NBEA: variants seen among roughly 807,000 people sequenced by gnomAD.
The protein encoded by NBEA is lysosomal-trafficking regulator 2.
A neutral mutation model predicts 343.4 loss-of-function variants in NBEA; 44 were observed. The ratio of observed to expected loss-of-function variants is 0.13; its 90% CI spans 0.10 to 0.16. The LOEUF (loss-of-function observed/expected upper bound fraction) is 0.16. Among genes scored for constraint, NBEA ranks in the 10% least tolerant of loss-of-function variants. The pLI, the probability that NBEA is intolerant of heterozygous loss-of-function variation, is 1.00. For synonymous variants in NBEA, 1,175 were observed against 1,238.7 expected, an observed-to-expected ratio of 0.95 and a Z score of 1.08; for missense variants, 2,555 against 3,631.3, an observed-to-expected ratio of 0.70 and a Z score of 7.62.
chr13:35,040,891 C>T, intron 1 of NBEA, 42 bp from the exon 2 acceptor site: 1 of 1,507,016 alleles, frequency 6.6e-7, no homozygotes, highest in Non-Finnish European at 9.2e-7. Context: ...TCATCGATAA[C>T]CTCCCATGTT....
intron 49 of NBEA, among the ~76,000 whole-genome samples, chr13:35,639,735 A>T (rs2083852716): frequency 6.6e-6 from 1 of 152,108 alleles, no homozygotes; most frequent in African/African-American, 2.4e-5. Flanking sequence ...ATTTACTGGT[A>T]TTTGGACGTA....
chr13:35,252,031 A>T (rs2032036030), intron 34 of NBEA, among the ~76,000 whole-genome samples: 1 of 152,142 alleles, frequency 6.6e-6, no homozygotes. Flanking sequence ...TCTCACATCC[A>T]TCTACTTTTT....
chr13:35,016,038 T>C (rs1394520314), intron 1 of NBEA, among the ~76,000 whole-genome samples: 9 of 152,180 alleles, frequency 5.9e-5, no homozygotes, highest in Admixed American at 1.3e-4. Flanking sequence ...ATAACTAGAA[T>C]AAAGTTATGT....
intron 7 of NBEA, among the ~76,000 whole-genome samples, chr13:35,056,965 A>G (rs141820733): frequency 5.6e-4 from 86 of 152,288 alleles, no homozygotes; most frequent in Middle Eastern, 6.8e-3. Context: ...ATTAGTGTCT[A>G]CCAGTATATT....
intron 48 of NBEA, among the ~76,000 whole-genome samples, chr13:35,618,707 C>T (rs1341908434): frequency 6.6e-6 from 1 of 152,182 alleles, no homozygotes; most frequent in East Asian, 1.9e-4. Flanking sequence ...ATTAATAAAG[C>T]ATTGTGTTTA....
At chr13:35,029,186 G>C (rs966954086) in intron 1 of NBEA, among the ~76,000 whole-genome samples, 1 of 151,144 alleles carries the variant, frequency 6.6e-6, no homozygotes, top group East Asian at 1.9e-4. Context: ...TGTTATATAT[G>C]ATATATAACA....
At chr13:35,335,612 T>C (rs2039204662) in intron 36 of NBEA, among the ~76,000 whole-genome samples, 1 of 152,124 alleles carries the variant, frequency 6.6e-6, no homozygotes, top group South Asian at 2.1e-4. Flanking sequence ...TTACAGTATT[T>C]TAGACTTATG....
At chr13:35,112,478 A>G (rs1003636233) in intron 13 of NBEA, among the ~76,000 whole-genome samples, 4 of 152,156 alleles carry the variant, frequency 2.6e-5, no homozygotes, top group African/African-American at 9.6e-5. Flanking sequence ...GGAAACTGGA[A>G]GTTGGTACAA....
At chr13:35,377,762 T>TA (rs2063347799) in intron 38 of NBEA, among the ~76,000 whole-genome samples, 1 of 152,156 alleles carries the variant, frequency 6.6e-6, no homozygotes, top group Non-Finnish European at 1.5e-5. Context: ...AACTTCACCA[T>TA]AAATTATGAT....
In NBEA at chr13:35,222,671, C is replaced by A. The variant is rs184934774; in HGVS notation, c.5649-9821C>A. 1.5e-4 allele frequency among the ~76,000 whole-genome samples: 23 copies of A among 152,136 alleles called. 1 individual carries two copies. Among genetic ancestry groups the A allele is most frequent in the Admixed American group, 3.3e-4 (5 of 15,278 alleles). On this transcript the variant is annotated intron_variant, in intron 33 of 58. Coordinates refer to ENST00000379939, the MANE Select transcript of NBEA (RefSeq NM_001385012.1). ...AACTTTTTAAACATTTTAGGGGCTT[C>A]TCTACGACTTACAATATAAATCTTT...
In NBEA at chr13:34,956,430, T is replaced by C. The variant is rs564050295; in HGVS notation, c.294+13316T>C. Reference sequence around the variant, plus strand: ...TTGGTCATTAGGTTTATTCCCAGGCTGGCCTGATATGTTCAAATTCTTGAT... The same window carrying C: ...TTGGTCATTAGGTTTATTCCCAGGCCGGCCTGATATGTTCAAATTCTTGAT... On this transcript the variant is annotated intron_variant, in intron 1 of 58. Transcript: ENST00000379939. Among the ~76,000 whole-genome samples the C allele has an allele frequency of 3.7e-3, 559 of 151,078 alleles. 3 individuals carry two copies. Among genetic ancestry groups the C allele is most frequent in the African/African-American group, 0.013 (539 of 41,282 alleles).
intron 26 of NBEA, among the ~76,000 whole-genome samples, chr13:35,173,142 T>G (rs1260411417): frequency 6.6e-6 from 1 of 152,058 alleles, no homozygotes; most frequent in Non-Finnish European, 1.5e-5. Context: ...TATTGATCCA[T>G]AAATTCAGAA....
chr13:35,296,881 C>T (rs1272421025), intron 35 of NBEA, among the ~76,000 whole-genome samples: 1 of 151,508 alleles, frequency 6.6e-6, no homozygotes, highest in Non-Finnish European at 1.5e-5. Context: ...TTTCTGTATC[C>T]TCTTTTTTGT....
In NBEA at chr13:34,942,582, G is replaced by A; in HGVS notation, c.-239G>A. On this transcript the variant is annotated 5_prime_UTR_variant, in exon 1 of 59. Transcript: ENST00000379939. ...CTGGGCGGGCACAGCCGCTTGCCCG[G>A]CAGCGGTTAGCGGTACCGCCACCGC... 1 of 261,492 alleles carries A rather than the reference G, an allele frequency of 3.8e-6. No individual in the cohort carries two copies. The highest frequency in any genetic ancestry group is 7.1e-6 in the Non-Finnish European group (1 of 140,024). The allele number at this position is 261,492 out of a possible 1,614,324, so 16.2% of individuals were successfully genotyped here.
chr13:35,297,162 T>C (rs1186223395), intron 35 of NBEA, among the ~76,000 whole-genome samples: 1 of 152,060 alleles, frequency 6.6e-6, no homozygotes, highest in African/African-American at 2.4e-5. Flanking sequence ...CTCAATACAA[T>C]TTTATTCCAA....
intron 24 of NBEA, 68 bp from the exon 25 acceptor site, chr13:35,168,919 T>C: frequency 9.1e-7 from 1 of 1,101,032 alleles, no homozygotes; most frequent in South Asian, 2.4e-5. Flanking sequence ...TGTATTTTCA[T>C]TTAATTTAAT....
chr13:35,348,716 A>T (rs535626712), intron 36 of NBEA, among the ~76,000 whole-genome samples: 77 of 152,206 alleles, frequency 5.1e-4, no homozygotes, highest in African/African-American at 1.7e-3. Flanking sequence ...AAAAAAATAA[A>T]AATAAAGTAA....
At chr13:35,137,452 A>G (rs1050685549) in intron 17 of NBEA, among the ~76,000 whole-genome samples, 84 of 148,186 alleles carry the variant, frequency 5.7e-4, no homozygotes, top group African/African-American at 2.0e-3. Flanking sequence ...ACAGTCTCCA[A>G]AAAAAAAAAA....
chr13:35,248,319 T>A (rs2031500749), intron 34 of NBEA, among the ~76,000 whole-genome samples: 1 of 152,202 alleles, frequency 6.6e-6, no homozygotes, highest in South Asian at 2.1e-4. Flanking sequence ...AATTGATCAA[T>A]GTAATACATC....
Sources: gnomAD v4.1 joint callset for allele counts (sites outside exome capture counted in the v4.1 genomes callset) on GRCh38, gnomAD v4.1.1 for gene constraint, MANE v1.5 for transcripts, NCBI Gene and HGNC (gene_info 2026-07-23, HGNC 2026-07-21) for gene names.